Variants in NRP2 observed in about 807,000 individuals in gnomAD.
NRP2 encodes neuropilin 2.
In NRP2, 52 loss-of-function variants were observed where a neutral mutation model predicts 110.4. That is an observed-to-expected ratio of 0.47 (90% CI 0.38 to 0.59). NRP2 has a LOEUF of 0.59. Among genes scored for constraint, NRP2 ranks in the 20% least tolerant of loss-of-function variants. NRP2 has a pLI of 0.00. For missense variants in NRP2, 1,049 were observed against 1,203.0 expected (o/e 0.87, Z 1.89); for synonymous variants, 508 against 468.9 (o/e 1.08, Z -1.08).
intron 2 of NRP2, 117 bp downstream of exon 2, chr2:205,697,838 G>A (rs2056468153): frequency 9.6e-7 from 1 of 1,039,434 alleles, no homozygotes; most frequent in Non-Finnish European, 1.5e-6. Flanking sequence ...CTAACCAGTG[G>A]TGGATCCTGG....
Position 205,708,146 on chromosome 2 carries a change from A to G in NRP2, c.252-8047A>G, listed in dbSNP as rs182870525. On this transcript the variant is annotated intron_variant, in intron 2 of 16. Coordinates refer to ENST00000357785, the MANE Select transcript of NRP2 (RefSeq NM_003872.3). ...CTGGTATCATTCCAGAATGCTACCA[A>G]GGGGCCCTTTAAGTTGACTGCAGAG... Among the ~76,000 whole-genome samples, 219 of 152,346 alleles carry G rather than the reference A, an allele frequency of 1.4e-3. 1 individual carries two copies. Among genetic ancestry groups the G allele is most frequent in the African/African-American group, 4.8e-3 (200 of 41,582 alleles).
intron 7 of NRP2, among the ~76,000 whole-genome samples, chr2:205,730,879 T>C (rs1457619267): frequency 6.6e-6 from 1 of 152,220 alleles, no homozygotes; most frequent in Non-Finnish European, 1.5e-5. Flanking sequence ...TTACTGCCAG[T>C]GGGTGAGAAA....
At chr2:205,731,211 C>G (rs537638567) in intron 7 of NRP2, among the ~76,000 whole-genome samples, 3 of 152,310 alleles carry the variant, frequency 2.0e-5, no homozygotes, top group African/African-American at 7.2e-5. Flanking sequence ...ATCCAACCCA[C>G]GTGCTCCTTT....
In NRP2 at chr2:205,740,675, GCTC is replaced by G; in HGVS notation, c.1291+14_1291+16del. On this transcript the variant is annotated intron_variant, in intron 8 of 16. Coordinates refer to ENST00000357785, the MANE Select transcript of NRP2 (RefSeq NM_003872.3). ...CTGCCGGGTCACAGGTGAGGTGGGGGCTCCAATGAGGTTGGGGTGCTGATTGAG... is the reference window on the plus strand; with the variant it reads ...CTGCCGGGTCACAGGTGAGGTGGGGGCAATGAGGTTGGGGTGCTGATTGAG... The G allele has an allele frequency of 6.2e-7, 1 of 1,613,774 alleles. No homozygotes were observed. The highest frequency in any genetic ancestry group is 8.5e-7 in the Non-Finnish European group (1 of 1,179,998).
intron 7 of NRP2, among the ~76,000 whole-genome samples, chr2:205,729,462 C>T (rs976522345): frequency 6.6e-6 from 1 of 152,208 alleles, no homozygotes; most frequent in Non-Finnish European, 1.5e-5. Context: ...AGCTTGGGGG[C>T]TGAGACCTGG....
chr2:205,749,918 C>T, intron 11 of NRP2, 77 bp downstream of exon 11: 1 of 1,142,578 alleles, frequency 8.8e-7, no homozygotes, highest in Non-Finnish European at 1.3e-6. Context: ...GGACAGGGAC[C>T]TAGTGGTCCC....
At chr2:205,794,255 C>A (rs923919613) in intron 16 of NRP2, among the ~76,000 whole-genome samples, 2 of 152,080 alleles carry the variant, frequency 1.3e-5, no homozygotes, top group African/African-American at 4.8e-5. Flanking sequence ...GGACTACAGG[C>A]GCCCGCCACC....
At chr2:205,695,790 C>T (rs1274522218) in intron 1 of NRP2, among the ~76,000 whole-genome samples, 1 of 152,200 alleles carries the variant, frequency 6.6e-6, no homozygotes, top group Non-Finnish European at 1.5e-5. Context: ...TAAGCCAGGA[C>T]CAACGGGCCT....
At chr2:205,757,152 A>T (rs1378306429) in intron 12 of NRP2, among the ~76,000 whole-genome samples, 1 of 152,196 alleles carries the variant, frequency 6.6e-6, no homozygotes, top group Non-Finnish European at 1.5e-5. Context: ...TAGAAAGAAA[A>T]CAAGCGAAGC....
At chr2:205,706,359 G>A (rs946116936) in intron 2 of NRP2, among the ~76,000 whole-genome samples, 3 of 152,096 alleles carry the variant, frequency 2.0e-5, no homozygotes, top group African/African-American at 7.2e-5. Context: ...TTGTTTTATT[G>A]GAAAGGAAAG....
Position 205,729,640 on chromosome 2 carries a change from G to T in NRP2, c.1146+1594G>T, listed in dbSNP as rs192202468. On this transcript the variant is annotated intron_variant, in intron 7 of 16. Coordinates refer to ENST00000357785, the MANE Select transcript of NRP2 (RefSeq NM_003872.3). ...AGCAGCACAGGCCCAGAGGGATACTGTAGCATAAGCTGTTTTAAAAGCATG... is the reference window on the plus strand; with the variant it reads ...AGCAGCACAGGCCCAGAGGGATACTTTAGCATAAGCTGTTTTAAAAGCATG... Among the ~76,000 whole-genome samples, 999 of 152,364 alleles carry T rather than the reference G, an allele frequency of 6.6e-3. 5 individuals carry two copies. Among genetic ancestry groups the T allele is most frequent in the Admixed American group, 0.014 (213 of 15,304 alleles).
rs552977903 is a variant in NRP2 at position 205,695,824 on chromosome 2, T to C, written c.74-1720T>C. 2.3e-3 allele frequency among the ~76,000 whole-genome samples: 348 copies of C among 152,260 alleles called. 1 individual carries two copies. The highest frequency in any genetic ancestry group is 7.9e-3 in the African/African-American group (329 of 41,558). Reference sequence around the variant, plus strand: ...CTCAATTTGGCTGGCTAGATGACATTAGGTTCCCAGCATGGGTGAGTGGTG... The same window carrying C: ...CTCAATTTGGCTGGCTAGATGACATCAGGTTCCCAGCATGGGTGAGTGGTG... On this transcript the variant is annotated intron_variant, in intron 1 of 16. Coordinates refer to ENST00000357785, the MANE Select transcript of NRP2 (RefSeq NM_003872.3).
chr2:205,789,349 C>T (rs903973730), intron 15 of NRP2, among the ~76,000 whole-genome samples: 3 of 152,178 alleles, frequency 2.0e-5, no homozygotes, highest in African/African-American at 7.2e-5. Context: ...AAGCGGAACT[C>T]GTGTGGGTGG....
At chr2:205,697,807 C>A in intron 2 of NRP2, 86 bp downstream of exon 2, 1 of 1,334,490 alleles carries the variant, frequency 7.5e-7, no homozygotes, top group Non-Finnish European at 1.1e-6. Flanking sequence ...CTTCTATCAC[C>A]CCTCACCCCA....
At chr2:205,787,582 A>G (rs2058248732) in intron 15 of NRP2, among the ~76,000 whole-genome samples, 4 of 152,224 alleles carry the variant, frequency 2.6e-5, no homozygotes, top group Admixed American at 2.6e-4. Flanking sequence ...TGCTCTGTGT[A>G]GACACAGAGC....
chr2:205,742,697 C>T (rs140951728), intron 8 of NRP2, among the ~76,000 whole-genome samples: 45 of 152,276 alleles, frequency 3.0e-4, no homozygotes, highest in African/African-American at 1.0e-3. Flanking sequence ...GGAAATAATT[C>T]AATGTTTAGC....
In NRP2 at chr2:205,755,607, A is replaced by AT. The variant is rs1294136831; in HGVS notation, c.2044+2632_2044+2633insT. ...AGGGTGGTCCTTACTTCTTCTCCAT[A>AT]GGGAAAAAAAAAAAAGGAGGGGGAG... On this transcript the variant is annotated intron_variant, in intron 12 of 16. Transcript: ENST00000357785. Among the ~76,000 whole-genome samples the AT allele has an allele frequency of 1.1e-4, 10 of 89,882 alleles. No individual in the cohort carries two copies. The South Asian group carries it at 1.8e-3, about 16-fold the overall frequency. The allele number at this position is 89,882 out of a possible 152,430, so 59.0% of individuals were successfully genotyped here.
chr2:205,734,592 G>A (rs769432436), intron 7 of NRP2, among the ~76,000 whole-genome samples: 6 of 152,144 alleles, frequency 3.9e-5, no homozygotes, highest in South Asian at 2.1e-4. Context: ...CAGGGTGAGC[G>A]GATGAGTCAG....
At chr2:205,710,128 T>A (rs981363686) in intron 2 of NRP2, among the ~76,000 whole-genome samples, 7 of 152,212 alleles carry the variant, frequency 4.6e-5, no homozygotes, top group Admixed American at 3.9e-4. Context: ...GAAACCTAAC[T>A]GAGGCCCTAA....
Sources: allele counts gnomAD v4.1 joint callset (sites outside exome capture counted in the v4.1 genomes callset), GRCh38; gene constraint gnomAD v4.1.1; transcripts MANE v1.5; gene names NCBI Gene and HGNC (gene_info 2026-07-23, HGNC 2026-07-21).